BTBD9: variants seen among roughly 807,000 people sequenced by gnomAD.
BTBD9 encodes the protein BTB/POZ domain-containing protein 9.
BTBD9 carries 49 observed loss-of-function variants against 64.3 expected under a neutral mutation model. The observed-to-expected ratio is 0.76, with a 90% CI of 0.61 to 0.97. The LOEUF is 0.97. Ranked by LOEUF, BTBD9 falls within the 50% of genes least tolerant of loss-of-function variation. The pLI is 0.00. For synonymous variants in BTBD9, 260 were observed against 274.7 expected, an observed-to-expected ratio of 0.95 and a Z score of 0.53; for missense variants, 598 against 762.1, an observed-to-expected ratio of 0.78 and a Z score of 2.53.
At chr6:38,447,901 G>C (rs535605445) in intron 6 of BTBD9, among the ~76,000 whole-genome samples, 2 of 152,314 alleles carry the variant, frequency 1.3e-5, no homozygotes, top group African/African-American at 4.8e-5. Context: ...TTAGTCATAG[G>C]ATGAGTGAAG....
intron 7 of BTBD9, among the ~76,000 whole-genome samples, chr6:38,305,800 G>A (rs1050339523): frequency 1.3e-5 from 2 of 152,044 alleles, no homozygotes; most frequent in Non-Finnish European, 2.9e-5. Context: ...GACTATAAAA[G>A]GTCTTTTATG....
At chr6:38,240,367 A>G (rs1763953406) in intron 9 of BTBD9, among the ~76,000 whole-genome samples, 1 of 152,194 alleles carries the variant, frequency 6.6e-6, no homozygotes, top group African/African-American at 2.4e-5. Flanking sequence ...AGCCCATGAG[A>G]GGAGGGAAGT....
intron 6 of BTBD9, among the ~76,000 whole-genome samples, chr6:38,555,231 A>G (rs1387065390): frequency 6.6e-6 from 1 of 152,176 alleles, no homozygotes; most frequent in Non-Finnish European, 1.5e-5. Context: ...GACTCACCCC[A>G]TCTCTAACTC....
rs1766892376 is a variant in BTBD9, at chr6:38,173,899, G to A, written c.*1086C>T. On this transcript the variant is annotated 3_prime_UTR_variant, in exon 11 of 11. Transcript: ENST00000481247. ...CCACATCAAGCCACCATCGTCAAAT[G>A]AGGTCCTTTTGATGAGGATTAGGAG... 1 of 152,276 alleles carries A rather than the reference G, an allele frequency of 6.6e-6. No individual in the cohort carries two copies. The highest frequency in any genetic ancestry group is 2.4e-5 in the African/African-American group (1 of 41,454). 9.4% of individuals were successfully genotyped at this position (152,276 alleles called of 1,614,324 possible). A position where few individuals can be genotyped will look rare whatever the true frequency, so the allele number is the denominator to read the frequency against.
At chr6:38,419,158 G>A (rs996609339) in intron 6 of BTBD9, among the ~76,000 whole-genome samples, 1 of 152,128 alleles carries the variant, frequency 6.6e-6, no homozygotes, top group African/African-American at 2.4e-5. Flanking sequence ...TTAGGATACC[G>A]CTATTAATAG....
chr6:38,311,882 G>C (rs946302043), intron 7 of BTBD9, among the ~76,000 whole-genome samples: 1 of 150,678 alleles, frequency 6.6e-6, no homozygotes, highest in Non-Finnish European at 1.5e-5. Context: ...ATTTTTTTGA[G>C]ACTGAGTCTT....
intron 7 of BTBD9, among the ~76,000 whole-genome samples, chr6:38,293,084 A>G (rs9369045): frequency 0.099 from 15,048 of 152,086 alleles, 1,759 homozygotes; most frequent in East Asian, 0.4. Flanking sequence ...TTACCCAGTA[A>G]TCATTCAGGA....
intron 6 of BTBD9, among the ~76,000 whole-genome samples, chr6:38,550,975 A>G (rs1774778630): frequency 6.6e-6 from 1 of 152,142 alleles, no homozygotes; most frequent in South Asian, 2.1e-4. Flanking sequence ...GGAGCATACC[A>G]GAGCCAGTTG....
chr6:38,305,914 T>A (rs1170622803), intron 7 of BTBD9, among the ~76,000 whole-genome samples: 1 of 152,186 alleles, frequency 6.6e-6, no homozygotes, highest in East Asian at 1.9e-4. Context: ...ATAGGCCAAA[T>A]CCTCCATTTC....
At chr6:38,224,062 A>T (rs1245785744) in intron 9 of BTBD9, among the ~76,000 whole-genome samples, 1 of 152,110 alleles carries the variant, frequency 6.6e-6, no homozygotes, top group Admixed American at 6.5e-5. Context: ...AAAATACAAA[A>T]ATTAGCAAGG....
chr6:38,396,689 C>G (rs901865362), intron 6 of BTBD9, among the ~76,000 whole-genome samples: 1 of 152,176 alleles, frequency 6.6e-6, no homozygotes, highest in Non-Finnish European at 1.5e-5. Flanking sequence ...TCACTGCCCA[C>G]AGTTACCTAT....
chr6:38,566,189 CAT>C (rs1295288393), intron 6 of BTBD9: 1 of 152,046 alleles, frequency 6.6e-6, no homozygotes, highest in Non-Finnish European at 1.5e-5. Flanking sequence ...TTGTAAATAA[CAT>C]GTTTGTGTAT....
chr6:38,221,046 C>G (rs1448003411), intron 9 of BTBD9, among the ~76,000 whole-genome samples: 1 of 152,214 alleles, frequency 6.6e-6, no homozygotes, highest in African/African-American at 2.4e-5. Flanking sequence ...TTTAACCTTT[C>G]AGCCAATTAG....
At position 38,218,052 on chromosome 6, in the gene BTBD9, C is replaced by T. The variant is rs75244812; in HGVS notation, c.1563-25455G>A. On this transcript the variant is annotated intron_variant, in intron 9 of 10. Coordinates refer to ENST00000481247, the MANE Select transcript of BTBD9 (RefSeq NM_001099272.2). ...AATATGGGAACTAGCTCAGCAGTCA[C>T]GTGAGCCTTGTTCTGGATCCCGTTC... Among the ~76,000 whole-genome samples the T allele has an allele frequency of 2.0e-3, 307 of 152,256 alleles. 1 individual carries two copies. In the East Asian group the frequency reaches 0.028, roughly 14 times the overall value.
At chr6:38,531,625 AAAC>A (rs1399306045) in intron 6 of BTBD9, among the ~76,000 whole-genome samples, 3 of 152,230 alleles carry the variant, frequency 2.0e-5, no homozygotes, top group African/African-American at 2.4e-5. Context: ...TCAAAAATAG[AAAC>A]AACAACTTTT....
chr6:38,288,140 C>T (rs1761815747), intron 8 of BTBD9, 132 bp downstream of exon 8: 1 of 996,114 alleles, frequency 1.0e-6, no homozygotes, highest in Non-Finnish European at 1.5e-6. Flanking sequence ...GCTCCCACTC[C>T]TTTCTTGATA....
rs6901549 is a variant in BTBD9, at chr6:38,453,909, T to C, written c.1155-108816A>G. ...TGAAGACACATTCCAAATCCAAACT[T>C]GTATATTCTATATATTTAAGAAATA... On this transcript the variant is annotated intron_variant, in intron 6 of 10. Coordinates refer to ENST00000481247, the MANE Select transcript of BTBD9 (RefSeq NM_001099272.2). 6.9e-3 allele frequency among the ~76,000 whole-genome samples: 1,051 copies of C among 152,290 alleles called. 15 individuals carry two copies. The highest frequency in any genetic ancestry group is 0.021 in the African/African-American group (892 of 41,546).
intron 6 of BTBD9, among the ~76,000 whole-genome samples, chr6:38,380,647 C>T (rs540018901): frequency 2.0e-5 from 3 of 152,138 alleles, no homozygotes. Context: ...CTGGGAAACA[C>T]AGCAAGACCC....
intron 6 of BTBD9, among the ~76,000 whole-genome samples, chr6:38,507,920 G>A (rs529793488): frequency 1.2e-3 from 174 of 144,612 alleles, no homozygotes; most frequent in Admixed American, 3.8e-3. Flanking sequence ...TTTACGCTCC[G>A]CCTCCTAGGT....
Sources: gnomAD v4.1 joint callset for allele counts (sites outside exome capture counted in the v4.1 genomes callset) on GRCh38, gnomAD v4.1.1 for gene constraint, MANE v1.5 for transcripts, NCBI Gene and HGNC (gene_info 2026-07-23, HGNC 2026-07-21) for gene names.